FCRL1: variants seen among roughly 807,000 people sequenced by gnomAD.
The protein encoded by FCRL1 is Fc receptor like 1.
Under a neutral mutation model 49.2 loss-of-function variants are expected in FCRL1, and 34 were observed. The observed-to-expected ratio is 0.69, with a 90% confidence interval of 0.53 to 0.92. The LOEUF (loss-of-function observed/expected upper bound fraction) is 0.92. Among genes scored for constraint, FCRL1 ranks in the 40% least tolerant of loss-of-function variants. The pLI, the probability that FCRL1 is intolerant of heterozygous loss-of-function variation, is 0.00. For synonymous variants in FCRL1, 218 were observed against 201.6 expected, an observed-to-expected ratio of 1.08 and a Z score of -0.69; for missense variants, 524 against 524.1, an observed-to-expected ratio of 1.00 and a Z score of 0.00.
intron 1 of FCRL1, among the ~76,000 whole-genome samples, chr1:157,814,444 G>GA (rs34263406): frequency 6.6e-6 from 1 of 151,552 alleles, no homozygotes; most frequent in African/African-American, 2.4e-5. Context: ...TAACCACAAA[G>GA]AAAAAACTGA....
rs778517964 is a variant in FCRL1, at chr1:157,801,952, C to T, written c.849G>A (p.Gly283=). ...NYSCEANNGL[G]AQRSEAVTLN... is the part of the protein sequence containing the mutation. ...GTGTCACCGCCTCACTGCGCTGGGC[C>T]CCCAGGCCATTGTTGGCCTCACAGG... The change falls in exon 5 of 11, where the codon GGG becomes GGA. Residue 283 remains glycine (G), a synonymous_variant. Transcript: ENST00000368176. 2.0e-5 allele frequency: 32 copies of T among 1,614,200 alleles called. No homozygotes were observed. The South Asian group carries it at 3.0e-4, about 15-fold the overall frequency.
At chr1:157,818,817 G>A (rs1484110206) in intron 1 of FCRL1, among the ~76,000 whole-genome samples, 1 of 152,140 alleles carries the variant, frequency 6.6e-6, no homozygotes, top group Admixed American at 6.5e-5. Context: ...TATTATATGT[G>A]AATAATATTT....
chr1:157,801,726 T>C (rs542158811), intron 5 of FCRL1, 149 bp from the exon 6 acceptor site: 2 of 857,280 alleles, frequency 2.3e-6, no homozygotes, highest in African/African-American at 1.7e-5. Flanking sequence ...ATCATCTTTA[T>C]GACAAGAGAA....
chr1:157,816,072 A>G (rs1481059078), intron 1 of FCRL1, among the ~76,000 whole-genome samples: 1 of 151,942 alleles, frequency 6.6e-6, no homozygotes, highest in South Asian at 2.1e-4. Flanking sequence ...AGAAATTAAA[A>G]GAAGAAAACA....
chr1:157,807,526 C>T (rs914360416), intron 1 of FCRL1, among the ~76,000 whole-genome samples: 2 of 152,184 alleles, frequency 1.3e-5, no homozygotes, highest in Non-Finnish European at 2.9e-5. Context: ...ATTCCCACCG[C>T]CTCCTTTCAA....
At chr1:157,818,196 T>G (rs1306882891) in intron 1 of FCRL1, among the ~76,000 whole-genome samples, 1 of 152,128 alleles carries the variant, frequency 6.6e-6, no homozygotes, top group South Asian at 2.1e-4. Context: ...TAAAGAGATA[T>G]CTGCACTCCC....
chr1:157,801,416 A>T, intron 6 of FCRL1, 45 bp downstream of exon 6: 1 of 1,241,968 alleles, frequency 8.1e-7, no homozygotes. Context: ...TTTCAGTGAA[A>T]ACAAAGATCA....
At chr1:157,807,827 C>T (rs1007176605) in intron 1 of FCRL1, among the ~76,000 whole-genome samples, 1 of 152,208 alleles carries the variant, frequency 6.6e-6, no homozygotes, top group African/African-American at 2.4e-5. Context: ...CTCTTACAAG[C>T]TGTGTGACTG....
intron 3 of FCRL1, among the ~76,000 whole-genome samples, 190 bp from the exon 4 acceptor site, chr1:157,802,854 G>A (rs981205878): frequency 6.6e-6 from 1 of 152,154 alleles, no homozygotes; most frequent in African/African-American, 2.4e-5. Context: ...AGACACCATA[G>A]TATTACCATA....
chr1:157,809,908 A>AT (rs1414179293), intron 1 of FCRL1, among the ~76,000 whole-genome samples: 1 of 152,198 alleles, frequency 6.6e-6, no homozygotes, highest in Non-Finnish European at 1.5e-5. Context: ...GGGGCAACAG[A>AT]GTAAGACCCT....
In FCRL1 at chr1:157,804,033, T is replaced by G; in HGVS notation, c.131A>C (p.Gln44Pro). Reference protein sequence around the residue: ...VTLTCKMPFLQSSDAQFQFCF... With the variant: ...VTLTCKMPFLPSSDAQFQFCF... Reference sequence around the variant, plus strand: ...GAACTGGAACTGGGCATCTGAACTCTGTAGAAAGGGCATCTTACACGTCAG... The same window carrying G: ...GAACTGGAACTGGGCATCTGAACTCGGTAGAAAGGGCATCTTACACGTCAG... Residue 44 changes from glutamine (Q) to proline (P), a missense_variant, in exon 3 of 11, where the codon CAG (glutamine) becomes CCG (proline). Coordinates refer to ENST00000368176, the MANE Select transcript of FCRL1 (RefSeq NM_052938.5). 1 of 1,614,212 alleles carries G rather than the reference T, an allele frequency of 6.2e-7. No homozygotes were observed. The highest frequency in any genetic ancestry group is 8.5e-7 in the Non-Finnish European group (1 of 1,180,046).
intron 1 of FCRL1, among the ~76,000 whole-genome samples, chr1:157,809,050 G>A (rs1653910627): frequency 2.0e-5 from 3 of 152,190 alleles, no homozygotes; most frequent in Non-Finnish European, 4.4e-5. Context: ...AACACCTGAT[G>A]TTAAGTTTAA....
In FCRL1 at chr1:157,795,765, AC is replaced by A. The variant is rs1651374603; in HGVS notation, c.*333del. ...CTTGAGTTCATGTGCTCTAAGCTTC[AC>A]TGTCCCTCCAACCCAAGATCCCAAT... On this transcript the variant is annotated 3_prime_UTR_variant, in exon 11 of 11. Transcript: ENST00000368176. 1 of 227,392 alleles carries A rather than the reference AC, an allele frequency of 4.4e-6. No individual in the cohort carries two copies. The highest frequency in any genetic ancestry group is 2.2e-5 in the African/African-American group (1 of 45,034). The allele number at this position is 227,392 out of a possible 1,614,324, so 14.1% of individuals were successfully genotyped here.
rs535273210 is a variant in FCRL1, at chr1:157,811,609, C to T, written c.32-4487G>A. ...TGGCTGCATTATTCTAGAGTAAGAG[C>T]CCATACTGTGGCTCCTCCCATCCCA... On this transcript the variant is annotated intron_variant, in intron 1 of 10. Coordinates refer to ENST00000368176, the MANE Select transcript of FCRL1 (RefSeq NM_052938.5). Among the ~76,000 whole-genome samples the T allele has an allele frequency of 3.3e-5, 5 of 152,256 alleles. No individual in the cohort carries two copies. The South Asian group carries it at 1.0e-3, about 32-fold the overall frequency.
chr1:157,813,219 T>C (rs1380179256), intron 1 of FCRL1, among the ~76,000 whole-genome samples: 1 of 152,164 alleles, frequency 6.6e-6, no homozygotes, highest in African/African-American at 2.4e-5. Flanking sequence ...CGAGAAAACA[T>C]GACACCAATA....
chr1:157,801,652 G>T, intron 5 of FCRL1, 75 bp from the exon 6 acceptor site: 1 of 1,088,692 alleles, frequency 9.2e-7, no homozygotes, highest in Non-Finnish European at 1.4e-6. Context: ...CTTGGGTGTG[G>T]GTTGTGCCCA....
rs145327375 is a variant in FCRL1 at position 157,815,646 on chromosome 1, C to T, written c.31+4361G>A. ...TGAAATAGAGACTAGAAAAACAATA[C>T]AAAAGATCAATGAAATGAGTCAGTC... is the stretch of plus-strand genomic sequence containing the variant. On this transcript the variant is annotated intron_variant, in intron 1 of 10. Transcript: ENST00000368176. Among the ~76,000 whole-genome samples, 378 of 151,620 alleles carry T rather than the reference C, an allele frequency of 2.5e-3. 1 individual carries two copies. The highest frequency in any genetic ancestry group is 8.9e-3 in the African/African-American group (369 of 41,444).
rs565359797 is a variant in FCRL1, at chr1:157,806,797, C to G, written c.52+305G>C. On this transcript the variant is annotated intron_variant, in intron 2 of 10. Coordinates refer to ENST00000368176, the MANE Select transcript of FCRL1 (RefSeq NM_052938.5). Reference sequence around the variant, plus strand: ...TGAATCTTCAGCACCCTTTGCCTTCCTTGTGCAAACAGTGTCTCCCTCCCT... The same window carrying G: ...TGAATCTTCAGCACCCTTTGCCTTCGTTGTGCAAACAGTGTCTCCCTCCCT... 16 of 283,846 alleles carry G rather than the reference C, an allele frequency of 5.6e-5. No individual in the cohort carries two copies. In the South Asian group the frequency reaches 1.6e-3, roughly 28 times the overall value. The allele number at this position is 283,846 out of a possible 1,614,324, so 17.6% of individuals were successfully genotyped here.
At chr1:157,815,095 G>T (rs1426524187) in intron 1 of FCRL1, among the ~76,000 whole-genome samples, 1 of 151,878 alleles carries the variant, frequency 6.6e-6, no homozygotes, top group Non-Finnish European at 1.5e-5. Context: ...CTACACGCTA[G>T]ACAAAATAAT....
Sources: allele counts gnomAD v4.1 joint callset (sites outside exome capture counted in the v4.1 genomes callset), GRCh38; gene constraint gnomAD v4.1.1; transcripts MANE v1.5; gene names NCBI Gene and HGNC (gene_info 2026-07-23, HGNC 2026-07-21).